Variants in CMSS1 observed in about 807,000 individuals in gnomAD.
CMSS1 encodes the protein protein CMSS1.
CMSS1 carries 33 observed loss-of-function variants against 43.5 expected under a neutral mutation model. That is an observed-to-expected ratio of 0.76 (90% CI 0.57 to 1.01). The LOEUF (loss-of-function observed/expected upper bound fraction) is 1.01, where lower values mean the gene tolerates loss of function less well. Among genes scored for constraint, CMSS1 ranks in the 50% least tolerant of loss-of-function variants. The pLI, the probability that CMSS1 is intolerant of heterozygous loss-of-function variation, is 0.00. For missense variants in CMSS1, 313 were observed against 326.4 expected, an observed-to-expected ratio of 0.96 and a Z score of 0.32; for synonymous variants, 115 against 117.2, an observed-to-expected ratio of 0.98 and a Z score of 0.12.
chr3:99,884,480 G>A (rs1336424268), intron 1 of CMSS1, among the ~76,000 whole-genome samples: 1 of 152,170 alleles, frequency 6.6e-6, no homozygotes, highest in African/African-American at 2.4e-5. Context: ...TCCAGGGAGT[G>A]GAAAGGGAAG....
chr3:99,888,656 T>TG (rs758301615), intron 1 of CMSS1, among the ~76,000 whole-genome samples: 4 of 152,218 alleles, frequency 2.6e-5, no homozygotes, highest in Non-Finnish European at 4.4e-5. Context: ...TTTTATATAC[T>TG]GGCTGTGGAA....
chr3:99,978,872 G>A (rs537840634), intron 1 of CMSS1, among the ~76,000 whole-genome samples: 1 of 151,934 alleles, frequency 6.6e-6, no homozygotes, highest in African/African-American at 2.4e-5. Flanking sequence ...GCAACAGAGC[G>A]AGACTCTTGT....
chr3:100,082,984 GT>G (rs2065954993), intron 1 of CMSS1, among the ~76,000 whole-genome samples: 1 of 152,134 alleles, frequency 6.6e-6, no homozygotes. Context: ...TTTATTTAAT[GT>G]TTAGAAAAAT....
chr3:99,988,311 C>A (rs1176260604), intron 1 of CMSS1, among the ~76,000 whole-genome samples: 1 of 128,272 alleles, frequency 7.8e-6, no homozygotes, highest in East Asian at 2.2e-4. Flanking sequence ...TCCTGGTTAG[C>A]ATGACAAAAC....
At chr3:99,904,950 T>G (rs1380911507) in intron 1 of CMSS1, among the ~76,000 whole-genome samples, 2 of 152,182 alleles carry the variant, frequency 1.3e-5, no homozygotes, top group African/African-American at 4.8e-5. Flanking sequence ...GGTTTCAGTG[T>G]CTACCATTCT....
chr3:99,977,663 ATATCT>A (rs1709010881), intron 1 of CMSS1, among the ~76,000 whole-genome samples: 1 of 152,192 alleles, frequency 6.6e-6, no homozygotes, highest in Admixed American at 6.5e-5. Flanking sequence ...AAACAGTATA[ATATCT>A]TAACCAAGAT....
chr3:99,859,067 A>G (rs1368544520), intron 1 of CMSS1, among the ~76,000 whole-genome samples: 1 of 152,254 alleles, frequency 6.6e-6, no homozygotes, highest in African/African-American at 2.4e-5. Flanking sequence ...CCTAAATGAC[A>G]AAACTGTTTT....
intron 1 of CMSS1, among the ~76,000 whole-genome samples, chr3:100,016,351 A>C (rs371564274): frequency 6.6e-6 from 1 of 152,104 alleles, no homozygotes; most frequent in Non-Finnish European, 1.5e-5. Flanking sequence ...CGCACCACAC[A>C]CAGCTAATTT....
chr3:99,855,623 A>G (rs1376825699), intron 1 of CMSS1, among the ~76,000 whole-genome samples: 3 of 152,204 alleles, frequency 2.0e-5, no homozygotes, highest in Non-Finnish European at 4.4e-5. Context: ...GTCCACACAC[A>G]AGGATTTTTA....
At chr3:99,854,719 C>T (rs890042469) in intron 1 of CMSS1, among the ~76,000 whole-genome samples, 1 of 152,088 alleles carries the variant, frequency 6.6e-6, no homozygotes, top group African/African-American at 2.4e-5. Context: ...AACTACTGAT[C>T]TATGCATGTG....
intron 1 of CMSS1, among the ~76,000 whole-genome samples, chr3:100,043,039 C>T (rs534713714): frequency 1.3e-5 from 2 of 152,336 alleles, no homozygotes; most frequent in African/African-American, 2.4e-5. Flanking sequence ...CTTCTTTGCT[C>T]ATCTCTCTTT....
chr3:100,056,877 G>A (rs182302727), intron 1 of CMSS1, among the ~76,000 whole-genome samples: 222 of 152,110 alleles, frequency 1.5e-3, no homozygotes, highest in Non-Finnish European at 2.8e-3. Context: ...GATGGCAGGC[G>A]CCTGTAGTCC....
intron 1 of CMSS1, among the ~76,000 whole-genome samples, chr3:99,832,456 T>A (rs1248400656): frequency 6.8e-6 from 1 of 146,192 alleles, no homozygotes; most frequent in Non-Finnish European, 1.5e-5. Context: ...GATCTCGATC[T>A]CCTGACCTCA....
chr3:100,067,872 T>G (rs985424886), intron 1 of CMSS1, among the ~76,000 whole-genome samples: 1 of 151,804 alleles, frequency 6.6e-6, no homozygotes, highest in Non-Finnish European at 1.5e-5. Flanking sequence ...GGAAGCACAG[T>G]AGAGAAGCAC....
intron 1 of CMSS1, among the ~76,000 whole-genome samples, chr3:100,098,624 A>T (rs2066253695): frequency 6.6e-6 from 1 of 152,204 alleles, no homozygotes; most frequent in African/African-American, 2.4e-5. Context: ...TTTTGTGCAT[A>T]TATTTCTTCC....
At chr3:100,171,024 A>G (rs2067105481) in intron 6 of CMSS1, among the ~76,000 whole-genome samples, 1 of 152,194 alleles carries the variant, frequency 6.6e-6, no homozygotes, top group Non-Finnish European at 1.5e-5. Flanking sequence ...TCACATCATC[A>G]TAACTGGCAA....
intron 1 of CMSS1, among the ~76,000 whole-genome samples, chr3:99,948,569 C>A (rs143457417): frequency 0.011 from 1,205 of 111,994 alleles, 9 homozygotes; most frequent in Middle Eastern, 0.022. Context: ...AAGGAGAAGG[C>A]GAAGGAGAAG....
intron 2 of CMSS1, among the ~76,000 whole-genome samples, chr3:100,151,339 G>C (rs1016299055): frequency 6.6e-6 from 1 of 152,266 alleles, no homozygotes; most frequent in East Asian, 1.9e-4. Context: ...TCACAGACAT[G>C]GCTTAACTCA....
At chr3:100,143,513 G>A (rs1257658712) in intron 1 of CMSS1, among the ~76,000 whole-genome samples, 6 of 151,990 alleles carry the variant, frequency 3.9e-5, no homozygotes, top group Non-Finnish European at 8.8e-5. Context: ...GAAAGAGTGT[G>A]TATTCTGCCG....
Sources: gnomAD v4.1 joint callset for allele counts (sites outside exome capture counted in the v4.1 genomes callset) on GRCh38, gnomAD v4.1.1 for gene constraint, MANE v1.5 for transcripts, NCBI Gene and HGNC (gene_info 2026-07-23, HGNC 2026-07-21) for gene names.